WDPCP: variants seen among roughly 807,000 people sequenced by gnomAD.
The protein encoded by WDPCP is WD repeat-containing and planar cell polarity effector protein fritz homolog.
WDPCP carries 71 observed loss-of-function variants against 93.1 expected under a neutral mutation model. That is an observed-to-expected ratio of 0.76 (90% CI 0.63 to 0.93). WDPCP has a LOEUF of 0.93. Ranked by LOEUF, WDPCP falls within the 40% of genes least tolerant of loss-of-function variation. WDPCP has a pLI of 0.00. For synonymous variants in WDPCP, 315 were observed against 315.0 expected (o/e 1.00, Z 0.00); for missense variants, 844 against 887.4 (o/e 0.95, Z 0.62).
chr2:63,311,748 G>T (rs960649148), intron 13 of WDPCP, among the ~76,000 whole-genome samples: 14 of 152,098 alleles, frequency 9.2e-5, no homozygotes, highest in African/African-American at 3.4e-4. Context: ...AAAGAGATAT[G>T]ATTTGAGAAA....
At chr2:63,290,055 G>C (rs1020609150) in intron 13 of WDPCP, among the ~76,000 whole-genome samples, 1 of 151,310 alleles carries the variant, frequency 6.6e-6, no homozygotes, top group African/African-American at 2.4e-5. Flanking sequence ...ATTCATGTCT[G>C]CTTTTTGAGT....
At chr2:63,593,527 C>A (rs182423214), upstream of WDPCP, 1 of 470,628 alleles carries the variant, frequency 2.1e-6, no homozygotes, top group Non-Finnish European at 4.4e-6. Flanking sequence ...ATCCTTGTTT[C>A]GTCTCAGAGA....
chr2:63,406,806 G>T (rs1694626029), intron 9 of WDPCP, among the ~76,000 whole-genome samples: 1 of 152,128 alleles, frequency 6.6e-6, no homozygotes, highest in Non-Finnish European at 1.5e-5. Flanking sequence ...CATGTACAGG[G>T]TAGACACTTG....
At chr2:63,499,483 T>C (rs553287226) in intron 1 of WDPCP, among the ~76,000 whole-genome samples, 2 of 152,318 alleles carry the variant, frequency 1.3e-5, no homozygotes, top group East Asian at 1.9e-4. Context: ...ATCAGAATTA[T>C]TGTTGGAAGA....
At chr2:63,191,504 T>C (rs574593110) in intron 14 of WDPCP, among the ~76,000 whole-genome samples, 38 of 152,198 alleles carry the variant, frequency 2.5e-4, no homozygotes, top group Non-Finnish European at 5.1e-4. Context: ...AAAAATCCAG[T>C]GTTCAGGCTT....
chr2:63,217,618 G>A (rs1366549890), intron 14 of WDPCP, among the ~76,000 whole-genome samples: 1 of 152,072 alleles, frequency 6.6e-6, no homozygotes, highest in Non-Finnish European at 1.5e-5. Flanking sequence ...TCTTTCTCCT[G>A]AACTAAAACT....
chr2:63,199,453 A>T (rs981923958), intron 14 of WDPCP, among the ~76,000 whole-genome samples: 4 of 152,210 alleles, frequency 2.6e-5, no homozygotes, highest in African/African-American at 9.6e-5. Flanking sequence ...GCCTCCAGAC[A>T]TGGCACCCTT....
intron 2 of WDPCP, among the ~76,000 whole-genome samples, chr2:63,680,945 A>G (rs914355914): frequency 2.0e-5 from 3 of 152,150 alleles, no homozygotes; most frequent in Non-Finnish European, 2.9e-5. Context: ...ACTGGGCCAG[A>G]AGGGAACCTG....
intron 2 of WDPCP, among the ~76,000 whole-genome samples, chr2:63,784,423 G>T (rs930766169): frequency 9.2e-5 from 14 of 152,120 alleles, no homozygotes; most frequent in Non-Finnish European, 2.1e-4. Context: ...CAGAATTTGG[G>T]CATAAGAGAA....
chr2:63,234,725 G>A (rs1440498571), intron 14 of WDPCP, among the ~76,000 whole-genome samples: 1 of 152,066 alleles, frequency 6.6e-6, no homozygotes, highest in Admixed American at 6.6e-5. Context: ...TCTTATTCAG[G>A]AATAAGATAT....
At chr2:63,654,454 C>G (rs1372208552) in intron 2 of WDPCP, among the ~76,000 whole-genome samples, 1 of 152,216 alleles carries the variant, frequency 6.6e-6, no homozygotes, top group Non-Finnish European at 1.5e-5. Flanking sequence ...GCTGAGATGT[C>G]CACTGATCAG....
chr2:63,633,355 T>C (rs1709884509), intron 3 of WDPCP, among the ~76,000 whole-genome samples: 1 of 152,040 alleles, frequency 6.6e-6, no homozygotes, highest in Non-Finnish European at 1.5e-5. Flanking sequence ...AGTATAAAGG[T>C]TTAAAGACAA....
At chr2:63,753,196 C>T (rs1036419451) in intron 2 of WDPCP, among the ~76,000 whole-genome samples, 6 of 151,962 alleles carry the variant, frequency 3.9e-5, no homozygotes, top group Non-Finnish European at 7.4e-5. Context: ...CTTTAGGAGG[C>T]CGAGGCGGGC....
chr2:63,833,893 C>T, the WDPCP span, among the ~76,000 whole-genome samples: 12 of 152,070 alleles, frequency 7.9e-5, no homozygotes, highest in Non-Finnish European at 1.6e-4. Context: ...ATACACCTTG[C>T]TTGGCCTCAA....
intron 14 of WDPCP, among the ~76,000 whole-genome samples, chr2:63,235,308 C>T (rs1418179381): frequency 6.6e-6 from 1 of 151,886 alleles, no homozygotes; most frequent in East Asian, 1.9e-4. Context: ...AAGGTGAAAC[C>T]CTGAACAGAA....
intron 2 of WDPCP, among the ~76,000 whole-genome samples, chr2:63,746,308 GCTGAGGATGTATGTGGCCTCAGGACC>G (rs1669796994): frequency 6.6e-6 from 1 of 152,074 alleles, no homozygotes; most frequent in African/African-American, 2.4e-5. Flanking sequence ...ATCTTCGTAA[GCTGAGGATGTATGTGGCCTCAGGACC>G]CTGAGATGAT....
intron 2 of WDPCP, among the ~76,000 whole-genome samples, chr2:63,761,961 A>C (rs1364184024): frequency 2.6e-5 from 4 of 152,180 alleles, no homozygotes; most frequent in Non-Finnish European, 4.4e-5. Flanking sequence ...TTCCTGGACA[A>C]TAATACTTAC....
chr2:63,472,440 CT>C (rs1295136901), intron 6 of WDPCP, among the ~76,000 whole-genome samples: 1 of 151,740 alleles, frequency 6.6e-6, no homozygotes, highest in African/African-American at 2.4e-5. Flanking sequence ...CTCCTATCAC[CT>C]TTGGTTCATT....
At chr2:63,818,314 A>C (rs944356763) in intron 1 of WDPCP, among the ~76,000 whole-genome samples, 1 of 152,354 alleles carries the variant, frequency 6.6e-6, no homozygotes, top group Non-Finnish European at 1.5e-5. Context: ...AGAAAGTCAA[A>C]GCTATCAGCC....
Sources: gnomAD v4.1 joint callset for allele counts (sites outside exome capture counted in the v4.1 genomes callset) on GRCh38, gnomAD v4.1.1 for gene constraint, MANE v1.5 for transcripts, NCBI Gene and HGNC (gene_info 2026-07-23, HGNC 2026-07-21) for gene names.